Variants in CWC22 observed in about 807,000 individuals in gnomAD.
CWC22 encodes pre-mRNA-splicing factor CWC22 homolog.
Under a neutral mutation model 117.2 loss-of-function variants are expected in CWC22, and 53 were observed. That is an observed-to-expected ratio of 0.45 (90% CI 0.36 to 0.57). CWC22 has a LOEUF of 0.57. Among genes scored for constraint, CWC22 ranks in the 20% least tolerant of loss-of-function variants. The pLI, the probability that CWC22 is intolerant of heterozygous loss-of-function variation, is 0.00. For missense variants in CWC22, 980 were observed against 1,068.8 expected (o/e 0.92, Z 1.16); for synonymous variants, 360 against 355.6 (o/e 1.01, Z -0.14).
intron 19 of CWC22, among the ~76,000 whole-genome samples, chr2:179,946,818 A>C (rs1686317957): frequency 6.6e-6 from 1 of 152,188 alleles, no homozygotes; most frequent in Non-Finnish European, 1.5e-5. Flanking sequence ...CAAAAACAAT[A>C]GTTCTCCCCT....
At chr2:179,996,542 T>G (rs767789129) in intron 1 of CWC22, among the ~76,000 whole-genome samples, 7 of 152,138 alleles carry the variant, frequency 4.6e-5, no homozygotes, top group Non-Finnish European at 7.4e-5. Flanking sequence ...TACTGTTGAC[T>G]TCTCATCAGA....
intron 17 of CWC22, among the ~76,000 whole-genome samples, chr2:179,951,602 A>C (rs1159284523): frequency 1.1e-4 from 17 of 152,148 alleles, no homozygotes; most frequent in Admixed American, 1.1e-3. Flanking sequence ...CCAGCAGTGG[A>C]AACTGAGGTA....
intron 11 of CWC22, among the ~76,000 whole-genome samples, chr2:179,969,264 A>T (rs1575646394): frequency 6.6e-6 from 1 of 152,342 alleles, no homozygotes; most frequent in South Asian, 2.1e-4. Context: ...ATAAGAAAAG[A>T]AGGCAAAATG....
intron 1 of CWC22, among the ~76,000 whole-genome samples, chr2:179,998,047 G>A (rs1291801714): frequency 6.6e-6 from 1 of 152,154 alleles, no homozygotes; most frequent in Non-Finnish European, 1.5e-5. Context: ...TGGGCAGAAA[G>A]TGTAGGGGAA....
At position 179,988,576 on chromosome 2, in the gene CWC22, C is replaced by A; in HGVS notation, c.95+1G>T. On this transcript the variant is annotated splice_donor_variant, in intron 3 of 19. Coordinates refer to ENST00000410053, the MANE Select transcript of CWC22 (RefSeq NM_020943.3). LOFTEE classifies it high-confidence loss of function. Reference sequence around the variant, plus strand: ...CATTCAGAGCATATTAAACTATTTACCTGTCTTCTGGAGAGGAGTTCCTCT... The same window carrying A: ...CATTCAGAGCATATTAAACTATTTAACTGTCTTCTGGAGAGGAGTTCCTCT... The A allele has an allele frequency of 6.9e-7, 1 of 1,446,972 alleles. No individual in the cohort carries two copies. The highest frequency in any genetic ancestry group is 9.5e-7 in the Non-Finnish European group (1 of 1,056,660). The allele number at this position is 1,446,972 out of a possible 1,614,324, so 89.6% of individuals were successfully genotyped here.
intron 7 of CWC22, 27 bp from the exon 8 acceptor site, chr2:179,973,273 C>T: frequency 6.4e-7 from 1 of 1,561,628 alleles, no homozygotes; most frequent in Non-Finnish European, 8.7e-7. Flanking sequence ...GAAAGTTAAC[C>T]TATAAACTAA....
intron 16 of CWC22, among the ~76,000 whole-genome samples, chr2:179,953,938 T>C (rs909985615): frequency 6.6e-6 from 1 of 152,126 alleles, no homozygotes; most frequent in Non-Finnish European, 1.5e-5. Flanking sequence ...AAATCTGCAG[T>C]ACTTTTCCTG....
intron 14 of CWC22, 121 bp downstream of exon 14, chr2:179,958,901 A>G (rs1686674606): frequency 1.8e-6 from 1 of 567,068 alleles, no homozygotes; most frequent in Admixed American, 3.0e-5. Context: ...TAAAACCTAC[A>G]TTAAAAAATA....
chr2:180,006,672 T>C (rs572222935), intron 1 of CWC22, among the ~76,000 whole-genome samples, 195 bp downstream of exon 1: 1 of 152,278 alleles, frequency 6.6e-6, no homozygotes, highest in East Asian at 1.9e-4. Context: ...CCCCTGACCC[T>C]GGGACCCGGG....
rs368281746 is a variant in CWC22, at chr2:179,948,153, T to A, written c.2140+2359A>T. Among the ~76,000 whole-genome samples, 29 of 152,300 alleles carry A rather than the reference T, an allele frequency of 1.9e-4. No homozygotes were observed. The East Asian group carries it at 4.0e-3, about 21-fold the overall frequency. On this transcript the variant is annotated intron_variant, in intron 19 of 19. Coordinates refer to ENST00000410053, the MANE Select transcript of CWC22 (RefSeq NM_020943.3). ...TTTTAAAATGTTGCATTGAAAAATGTTGAAAAGCACACAGAAATCAAGTTG... is the reference window on the plus strand; with the variant it reads ...TTTTAAAATGTTGCATTGAAAAATGATGAAAAGCACACAGAAATCAAGTTG...
At chr2:179,956,868 A>G (rs886819042) in intron 14 of CWC22, among the ~76,000 whole-genome samples, 1 of 151,996 alleles carries the variant, frequency 6.6e-6, no homozygotes, top group Non-Finnish European at 1.5e-5. Context: ...TGCTGATAGC[A>G]CTGCTATGCA....
intron 5 of CWC22, among the ~76,000 whole-genome samples, chr2:179,979,912 G>C (rs537011036): frequency 6.6e-6 from 1 of 152,118 alleles, no homozygotes; most frequent in Non-Finnish European, 1.5e-5. Context: ...CACAATTCAC[G>C]TATCTACTGA....
chr2:179,966,898 T>C (rs17778918), intron 11 of CWC22, among the ~76,000 whole-genome samples: 22,216 of 152,180 alleles, frequency 0.15, 2,008 homozygotes, highest in Admixed American at 0.29. Context: ...AGGAGACACA[T>C]AATGAAAGTT....
intron 1 of CWC22, among the ~76,000 whole-genome samples, chr2:179,995,413 G>A (rs1687675009): frequency 6.6e-6 from 1 of 152,098 alleles, no homozygotes; most frequent in Non-Finnish European, 1.5e-5. Context: ...ATCTTAATAA[G>A]CCTATGTTAT....
chr2:179,974,614 A>G (rs530837886), intron 6 of CWC22, among the ~76,000 whole-genome samples: 4 of 152,338 alleles, frequency 2.6e-5, no homozygotes, highest in Admixed American at 2.6e-4. Context: ...TATCTTTAGC[A>G]ATCCATAACT....
intron 4 of CWC22, among the ~76,000 whole-genome samples, chr2:179,985,707 G>A (rs1447808502): frequency 6.6e-6 from 1 of 151,958 alleles, no homozygotes; most frequent in Non-Finnish European, 1.5e-5. Context: ...TTTTATTAGA[G>A]TATATTCTTA....
rs1240688232 is a variant in CWC22, at chr2:179,970,815, T to C, written c.982A>G (p.Ile328Val). 6.2e-7 allele frequency: 1 copy of C among 1,613,744 alleles called. No individual in the cohort carries two copies. The highest frequency in any genetic ancestry group is 8.5e-7 in the Non-Finnish European group (1 of 1,179,726). Residue 328 changes from isoleucine to valine, a missense_variant, in exon 10 of 20, where the codon ATT becomes GTT. Ile to Val is a conservative substitution (Grantham distance 29, BLOSUM62 3). Around this residue, in one of 3 missense-constraint regions of CWC22, gnomAD observed 559 missense variants for 602.3 expected, o/e 0.93. Transcript: ENST00000410053. ...RLRNILHESE[I>V]DKRVQYMIEV... is the part of the protein sequence containing the mutation. The stretch of plus-strand genomic sequence containing the variant: ...ATCATATATTGAACTCTTTTGTCAA[T>C]TTCAGACTCATGCAGAATGTTTCGA...
rs1321108128 is a variant in CWC22 at position 180,007,289 on chromosome 2, A to G, written c.-536T>C. Among the ~76,000 whole-genome samples the G allele has an allele frequency of 6.6e-6, 1 of 152,250 alleles. No homozygotes were observed. Among genetic ancestry groups the G allele is most frequent in the African/African-American group, 2.4e-5 (1 of 41,474 alleles). On this transcript the variant is annotated 5_prime_UTR_variant, in exon 1 of 20. Transcript: ENST00000410053. ...CTTGTTGCCAAAATGGCGACAAAAA[A>G]GAGAAGTTGGCATGAACTACAAAGT... is the stretch of plus-strand genomic sequence containing the variant.
chr2:179,965,859 G>T lies in CWC22; in HGVS notation c.1315+19C>A. ...TTTAGAGTATCTTATAATATTATTT[G>T]AATATGCTACATGTTTACCTTCTTC... On this transcript the variant is annotated intron_variant, in intron 12 of 19. Coordinates refer to ENST00000410053, the MANE Select transcript of CWC22 (RefSeq NM_020943.3). 7.3e-7 allele frequency: 1 copy of T among 1,376,582 alleles called. No individual in the cohort carries two copies. Among genetic ancestry groups the T allele is most frequent in the African/African-American group, 1.4e-5 (1 of 69,640 alleles). The allele number at this position is 1,376,582 out of a possible 1,614,324, so 85.3% of individuals were successfully genotyped here.
Sources: gnomAD v4.1 joint callset for allele counts (sites outside exome capture counted in the v4.1 genomes callset) on GRCh38, gnomAD v4.1.1 for gene constraint, gnomAD v4.1.1 regional missense constraint, MANE v1.5 for transcripts, NCBI Gene and HGNC (gene_info 2026-07-23, HGNC 2026-07-21) for gene names.